C2CD5: variants seen among roughly 807,000 people sequenced by gnomAD.
The protein encoded by C2CD5 is C2 domain-containing protein 5.
C2CD5 carries 109 observed loss-of-function variants against 130.3 expected under a neutral mutation model. The observed-to-expected ratio is 0.84, with a 90% CI of 0.72 to 0.98. C2CD5 has a LOEUF of 0.98. Among genes scored for constraint, C2CD5 ranks in the 50% least tolerant of loss-of-function variants. The probability of loss-of-function intolerance (pLI) is 0.00; values close to 1 mark genes in which losing one functional copy is unlikely to be tolerated. For missense variants in C2CD5, 996 were observed against 1,261.8 expected (o/e 0.79, Z 3.19); for synonymous variants, 454 against 429.2 (o/e 1.06, Z -0.71).
chr12:22,480,215 GGCA>G (rs1944506886), intron 14 of C2CD5, among the ~76,000 whole-genome samples: 1 of 152,170 alleles, frequency 6.6e-6, no homozygotes, highest in African/African-American at 2.4e-5. Context: ...CACAGACTCT[GGCA>G]TCAGAGAGGC....
At chr12:22,510,066 G>A (rs1426981780) in intron 9 of C2CD5, among the ~76,000 whole-genome samples, 1 of 152,036 alleles carries the variant, frequency 6.6e-6, no homozygotes, top group Non-Finnish European at 1.5e-5. Flanking sequence ...TTAGCCAGTT[G>A]TAGTGGCGGA....
rs1314678374 is a variant in C2CD5, at chr12:22,531,975, A to T, written c.177+3283T>A. Among the ~76,000 whole-genome samples, 5 of 152,184 alleles carry T rather than the reference A, an allele frequency of 3.3e-5. No individual in the cohort carries two copies. In the East Asian group the frequency reaches 9.6e-4, roughly 29 times the overall value. On this transcript the variant is annotated intron_variant, in intron 3 of 26. Coordinates refer to ENST00000446597, the MANE Select transcript of C2CD5 (RefSeq NM_001286176.2). ...CGAAAGAACAGAAGATATACCCCAAAATGCTAATATTTAAACCCACTTTCT... is the reference window on the plus strand; with the variant it reads ...CGAAAGAACAGAAGATATACCCCAATATGCTAATATTTAAACCCACTTTCT...
intron 2 of C2CD5, among the ~76,000 whole-genome samples, chr12:22,538,775 T>G (rs1341878974): frequency 1.3e-5 from 2 of 152,252 alleles, no homozygotes. Flanking sequence ...AAGTTTGTCC[T>G]AGTCACCTGA....
intron 14 of C2CD5, among the ~76,000 whole-genome samples, chr12:22,479,704 T>C (rs1490758577): frequency 6.6e-6 from 1 of 152,164 alleles, no homozygotes; most frequent in Non-Finnish European, 1.5e-5. Context: ...TCTAATTAAA[T>C]TACTATTTAA....
At chr12:22,453,545 C>A (rs1286687913) in intron 26 of C2CD5, among the ~76,000 whole-genome samples, 1 of 152,068 alleles carries the variant, frequency 6.6e-6, no homozygotes, top group Non-Finnish European at 1.5e-5. Flanking sequence ...AGTAAGGCAG[C>A]TGAAACTGGA....
chr12:22,484,747 G>A lies in C2CD5; in HGVS notation c.1500C>T (p.Asp500=), dbSNP rs761828118. The stretch of plus-strand genomic sequence containing the variant: ...CAATAACTGTTGCATCTGTTGGGAG[G>A]TCTATAGTTGTAAACAGAACATCAG... ...KVPDVLFTTI[D]LPTDATVIGK... Residue 500 remains aspartate, a synonymous_variant, in exon 13 of 27, where the codon GAC becomes GAT. Transcript: ENST00000446597. 1 of 1,605,508 alleles carries A rather than the reference G, an allele frequency of 6.2e-7. No homozygotes were observed. The highest frequency in any genetic ancestry group is 2.2e-5 in the East Asian group (1 of 44,558).
intron 10 of C2CD5, among the ~76,000 whole-genome samples, chr12:22,501,676 C>T (rs1165837863): frequency 2.0e-5 from 3 of 152,006 alleles, no homozygotes; most frequent in South Asian, 2.1e-4. Flanking sequence ...ATGGATTTAC[C>T]GATTGATATC....
At chr12:22,483,634 A>G (rs1464798186) in intron 13 of C2CD5, among the ~76,000 whole-genome samples, 1 of 152,202 alleles carries the variant, frequency 6.6e-6, no homozygotes, top group Admixed American at 6.5e-5. Flanking sequence ...AAAGGAAAAC[A>G]ATCCCAAATG....
At chr12:22,485,143 C>T (rs1945306220) in intron 12 of C2CD5, among the ~76,000 whole-genome samples, 1 of 152,042 alleles carries the variant, frequency 6.6e-6, no homozygotes, top group African/African-American at 2.4e-5. Flanking sequence ...TGTTTGATGA[C>T]TTACCACCTG....
chr12:22,469,695 C>A lies in C2CD5; in HGVS notation c.2533+14G>T. 6.5e-7 allele frequency: 1 copy of A among 1,546,582 alleles called. No homozygotes were observed. The highest frequency in any genetic ancestry group is 2.3e-5 in the East Asian group (1 of 42,682). On this transcript the variant is annotated intron_variant, in intron 22 of 26. Coordinates refer to ENST00000446597, the MANE Select transcript of C2CD5 (RefSeq NM_001286176.2). Reference sequence around the variant, plus strand: ...ACCAGGATTTGTGTTTGCTTTTTCCCTCACTTAACCAACCTTTAGCTGGTG... The same window carrying A: ...ACCAGGATTTGTGTTTGCTTTTTCCATCACTTAACCAACCTTTAGCTGGTG...
intron 13 of C2CD5, 128 bp downstream of exon 13, chr12:22,484,569 A>G (rs2136333162): frequency 4.5e-6 from 2 of 444,250 alleles, no homozygotes; most frequent in South Asian, 8.4e-5. Flanking sequence ...ACAAAGTTCC[A>G]GCAGAATTGT....
intron 8 of C2CD5, chr12:22,514,897 C>T: frequency 2.8e-6 from 2 of 725,690 alleles, no homozygotes; most frequent in Non-Finnish European, 3.4e-6. Context: ...TATAAAATAC[C>T]CAATAATTTT....
At position 22,449,472 on chromosome 12, in the gene C2CD5, T is replaced by A. The variant is rs934702788; in HGVS notation, c.*288A>T. On this transcript the variant is annotated 3_prime_UTR_variant, in exon 27 of 27. Transcript: ENST00000446597. ...CATTTCATTTTTTAAATTATGATTTTATTAAAATCAACATAAATTACAAAG... is the reference window on the plus strand; with the variant it reads ...CATTTCATTTTTTAAATTATGATTTAATTAAAATCAACATAAATTACAAAG... 4.4e-6 allele frequency: 1 copy of A among 225,562 alleles called. No homozygotes were observed. The highest frequency in any genetic ancestry group is 2.3e-5 in the African/African-American group (1 of 44,216). 14.0% of individuals were successfully genotyped at this position (225,562 alleles called of 1,614,324 possible).
chr12:22,520,525 T>C (rs890345560), intron 7 of C2CD5, among the ~76,000 whole-genome samples: 6 of 152,138 alleles, frequency 3.9e-5, no homozygotes, highest in African/African-American at 1.4e-4. Flanking sequence ...CTATAATGGA[T>C]AAAAATCAAA....
chr12:22,473,215 C>T (rs1209962715), intron 16 of C2CD5, among the ~76,000 whole-genome samples: 1 of 152,252 alleles, frequency 6.6e-6, no homozygotes, highest in East Asian at 1.9e-4. Flanking sequence ...TAGGTCTAAA[C>T]TCTATTTTTT....
At chr12:22,484,982 G>A in intron 12 of C2CD5, 94 bp from the exon 13 acceptor site, 2 of 511,888 alleles carry the variant, frequency 3.9e-6, no homozygotes, top group Non-Finnish European at 6.4e-6. Flanking sequence ...CACAGTACTT[G>A]TATACGAACT....
At chr12:22,471,313 TAATTACGGCAA>T (rs1942992347) in intron 20 of C2CD5, 75 bp downstream of exon 20, 1 of 781,172 alleles carries the variant, frequency 1.3e-6, no homozygotes, top group African/African-American at 1.7e-5. Flanking sequence ...TATGTTTATT[TAATTACGGCAA>T]AATTATGATA....
intron 4 of C2CD5, among the ~76,000 whole-genome samples, chr12:22,527,434 T>C (rs899344193): frequency 6.6e-6 from 1 of 150,844 alleles, no homozygotes; most frequent in African/African-American, 2.4e-5. Flanking sequence ...TTCTCCTGCC[T>C]CACCCTCCCA....
At chr12:22,492,718 T>C (rs781518785) in intron 11 of C2CD5, among the ~76,000 whole-genome samples, 21 of 152,236 alleles carry the variant, frequency 1.4e-4, no homozygotes, top group Middle Eastern at 3.4e-3. Context: ...ACCAAGTGTA[T>C]GAAAGCCCCT....
Sources: allele counts gnomAD v4.1 joint callset (sites outside exome capture counted in the v4.1 genomes callset), GRCh38; gene constraint gnomAD v4.1.1; transcripts MANE v1.5; gene names NCBI Gene and HGNC (gene_info 2026-07-23, HGNC 2026-07-21).